The following BAG4 variants were observed in gnomAD, a reference collection of about 807,000 sequenced individuals.
The protein encoded by BAG4 is BAG cochaperone 4.
BAG4 carries 28 observed loss-of-function variants against 52.1 expected under a neutral mutation model. That is an observed-to-expected ratio of 0.54 (90% CI 0.40 to 0.74). The LOEUF is 0.74. Among genes scored for constraint, BAG4 ranks in the 30% least tolerant of loss-of-function variants. The probability of loss-of-function intolerance (pLI) is 0.00; values close to 1 mark genes in which losing one functional copy is unlikely to be tolerated. For synonymous variants in BAG4, 208 were observed against 217.0 expected, an observed-to-expected ratio of 0.96 and a Z score of 0.37; for missense variants, 525 against 572.0, an observed-to-expected ratio of 0.92 and a Z score of 0.84.
chr8:38,182,670 T>C (rs1013656008), intron 1 of BAG4, among the ~76,000 whole-genome samples: 1 of 152,184 alleles, frequency 6.6e-6, no homozygotes, highest in African/African-American at 2.4e-5. Context: ...GTTTATAGAA[T>C]AGAGTTCAGC....
At chr8:38,195,791 C>T (rs189955078) in intron 2 of BAG4, among the ~76,000 whole-genome samples, 23 of 152,244 alleles carry the variant, frequency 1.5e-4, no homozygotes, top group African/African-American at 4.8e-4. Context: ...TAAAATCCAC[C>T]CTTCAAAGTG....
intron 3 of BAG4, 150 bp downstream of exon 3, chr8:38,207,916 G>A: frequency 1.0e-6 from 1 of 988,384 alleles, no homozygotes. Context: ...ATTTGTGGCA[G>A]CTATTGCAGT....
At position 38,192,690 on chromosome 8, in the gene BAG4, G is replaced by A. The variant is rs187647845; in HGVS notation, c.273G>A (p.Glu91=). ...ATTTATTTTTCTTTTTTTCTTAGGA[G>A]CAGCCACCATATCCTAGCTACAATT... ...EPGRAGGSHQ[E]QPPYPSYNSN... Residue 91 remains glutamate, a splice_region_variant and synonymous_variant, in exon 2 of 5, where the codon GAG becomes GAA. Coordinates refer to ENST00000287322, the MANE Select transcript of BAG4 (RefSeq NM_004874.4). 3 of 1,601,962 alleles carry A rather than the reference G, an allele frequency of 1.9e-6. No homozygotes were observed. The highest frequency in any genetic ancestry group is 2.2e-5 in the East Asian group (1 of 44,736).
At position 38,211,168 on chromosome 8, in the gene BAG4, T is replaced by C. The variant is rs1176450596; in HGVS notation, c.*675T>C. 1 of 151,436 alleles carries C rather than the reference T, an allele frequency of 6.6e-6. No individual in the cohort carries two copies. Among genetic ancestry groups the C allele is most frequent in the Non-Finnish European group, 1.5e-5 (1 of 67,818 alleles). 9.4% of individuals were successfully genotyped at this position (151,436 alleles called of 1,614,324 possible). ...GTGTAGTGAGTAAATTGTCTCCCTT[T>C]TTCTATAGATCATTAGGTTAGAGTT... On this transcript the variant is annotated 3_prime_UTR_variant, in exon 5 of 5. Coordinates refer to ENST00000287322, the MANE Select transcript of BAG4 (RefSeq NM_004874.4).
At position 38,210,192 on chromosome 8, in the gene BAG4, A is replaced by G. The variant is rs1454223699; in HGVS notation, c.1073A>G (p.Asn358Ser). Residue 358 changes from asparagine (N) to serine (S), a missense_variant, in exon 5 of 5, where the codon AAT becomes AGT. Physicochemically the swap from Asn to Ser is conservative, Grantham distance 46. This residue lies in a region of BAG4 where 238 missense variants were observed against 305.8 expected (regional missense o/e 0.78). Coordinates refer to ENST00000287322, the MANE Select transcript of BAG4 (RefSeq NM_004874.4). ...AATGCCACCAGTGACCATCCCAACAATCAAGATCAAAGTAGCAGTCTTCCT... is the reference window on the plus strand; with the variant it reads ...AATGCCACCAGTGACCATCCCAACAGTCAAGATCAAAGTAGCAGTCTTCCT... ...YGNATSDHPN[N>S]QDQSSSLPEE... 6.2e-7 allele frequency: 1 copy of G among 1,614,186 alleles called. No individual in the cohort carries two copies. The highest frequency in any genetic ancestry group is 1.1e-5 in the South Asian group (1 of 91,080).
chr8:38,207,492 C>T lies in BAG4; in HGVS notation c.379-20C>T, dbSNP rs1425711762. 6.3e-7 allele frequency: 1 copy of T among 1,597,496 alleles called. No homozygotes were observed. The highest frequency in any genetic ancestry group is 1.4e-5 in the African/African-American group (1 of 73,970). ...CTTCTACTAATTCATCTTTTTTTCA[C>T]TCAACTTGGTTTTTTTCAGAGTTTG... On this transcript the variant is annotated intron_variant, in intron 2 of 4. Coordinates refer to ENST00000287322, the MANE Select transcript of BAG4 (RefSeq NM_004874.4).
chr8:38,191,224 A>AT (rs1377886734), intron 1 of BAG4, among the ~76,000 whole-genome samples: 2 of 152,190 alleles, frequency 1.3e-5, no homozygotes, highest in African/African-American at 4.8e-5. Flanking sequence ...GTAAGTATTC[A>AT]TTTGCAACTA....
chr8:38,196,327 C>T (rs1480643998), intron 2 of BAG4, among the ~76,000 whole-genome samples: 3 of 152,108 alleles, frequency 2.0e-5, no homozygotes, highest in Non-Finnish European at 4.4e-5. Context: ...TCTGATTTCT[C>T]CACATCCTTA....
chr8:38,209,464 T>C (rs1803832201), intron 4 of BAG4, 197 bp downstream of exon 4: 1 of 641,798 alleles, frequency 1.6e-6, no homozygotes, highest in Non-Finnish European at 2.5e-6. Flanking sequence ...AAGATTTAGA[T>C]TCACATCGTT....
chr8:38,186,286 T>C (rs1803365652), intron 1 of BAG4, among the ~76,000 whole-genome samples: 1 of 152,054 alleles, frequency 6.6e-6, no homozygotes, highest in Non-Finnish European at 1.5e-5. Context: ...GTCTACAGCC[T>C]CCCTTCCCGT....
At chr8:38,207,886 T>C (rs1433025887) in intron 3 of BAG4, 120 bp downstream of exon 3, 1 of 1,217,058 alleles carries the variant, frequency 8.2e-7, no homozygotes, top group East Asian at 2.6e-5. Flanking sequence ...TGGGAAGGCT[T>C]TTATATTGAT....
At chr8:38,182,930 A>C (rs1803295519) in intron 1 of BAG4, among the ~76,000 whole-genome samples, 1 of 151,794 alleles carries the variant, frequency 6.6e-6, no homozygotes, top group South Asian at 2.1e-4. Context: ...CAAAAAGTAA[A>C]TTTCACTGTC....
rs532073188 is a variant in BAG4, at chr8:38,187,993, T to C, written c.271-4695T>C. 1.1e-4 allele frequency among the ~76,000 whole-genome samples: 14 copies of C among 129,568 alleles called. 1 individual carries two copies. The South Asian group carries it at 3.0e-3, about 28-fold the overall frequency. 85.0% of individuals were successfully genotyped at this position (129,568 alleles called of 152,430 possible). A position where few individuals can be genotyped will look rare whatever the true frequency, so the allele number is the denominator to read the frequency against. On this transcript the variant is annotated intron_variant, in intron 1 of 4. Transcript: ENST00000287322. ...CGGAGCTTGCAGTGAGCCGAGATCG[T>C]GCCACTGCACTCCAGCCTGGGTGAT...
chr8:38,199,085 G>C (rs1399037713), intron 2 of BAG4, among the ~76,000 whole-genome samples: 1 of 152,176 alleles, frequency 6.6e-6, no homozygotes, highest in Non-Finnish European at 1.5e-5. Flanking sequence ...CAGTAACATA[G>C]TCAATTATCA....
chr8:38,206,947 A>ATTTTT (rs11352165), intron 2 of BAG4, among the ~76,000 whole-genome samples: 2 of 111,054 alleles, frequency 1.8e-5, no homozygotes, highest in African/African-American at 3.5e-5. Flanking sequence ...GGCCTAGATA[A>ATTTTT]TTTTTTTTTT....
intron 2 of BAG4, among the ~76,000 whole-genome samples, chr8:38,206,600 A>G (rs1370062944): frequency 6.6e-6 from 1 of 152,176 alleles, no homozygotes; most frequent in East Asian, 1.9e-4. Context: ...TGAGCATACT[A>G]TATGCCAGAC....
rs1161178024 is a variant in BAG4, at chr8:38,180,522, C to CAAAAAAAAAAAAAAA, written c.270+3395_270+3409dup. Among the ~76,000 whole-genome samples the CAAAAAAAAAAAAAAA allele has an allele frequency of 3.8e-3, 100 of 26,494 alleles. 9 individuals are homozygous for CAAAAAAAAAAAAAAA. Among genetic ancestry groups the CAAAAAAAAAAAAAAA allele is most frequent in the Middle Eastern group, 0.02 (1 of 50 alleles). 17.4% of individuals were successfully genotyped at this position (26,494 alleles called of 152,430 possible). A position where few individuals can be genotyped will look rare whatever the true frequency, so the allele number is the denominator to read the frequency against. ...TGGGCAGCAAAGCGAGACTCCGTCT[C>CAAAAAAAAAAAAAAA]AAAAAAAAAAAAAAAAAAAAAAAAA... is the stretch of plus-strand genomic sequence containing the variant. On this transcript the variant is annotated intron_variant, in intron 1 of 4. Transcript: ENST00000287322.
In BAG4 at chr8:38,213,221, G is replaced by A. The variant is rs550301901; in HGVS notation, c.*2728G>A. ...AAATTTCACATCTGGACTTTTTAAA[G>A]TGTCTACATTTATATTACTTTGGGG... is the stretch of plus-strand genomic sequence containing the variant. On this transcript the variant is annotated 3_prime_UTR_variant, in exon 5 of 5. Coordinates refer to ENST00000287322, the MANE Select transcript of BAG4 (RefSeq NM_004874.4). 1.3e-5 allele frequency: 2 copies of A among 151,946 alleles called. No homozygotes were observed. Among genetic ancestry groups the A allele is most frequent in the Non-Finnish European group, 1.5e-5 (1 of 67,906 alleles). 9.4% of individuals were successfully genotyped at this position (151,946 alleles called of 1,614,324 possible).
At chr8:38,191,070 T>C (rs978091544) in intron 1 of BAG4, among the ~76,000 whole-genome samples, 8 of 152,162 alleles carry the variant, frequency 5.3e-5, no homozygotes, top group African/African-American at 1.9e-4. Context: ...AGTTGGTGGT[T>C]TTTTAAAGAA....
Sources: allele counts gnomAD v4.1 joint callset (sites outside exome capture counted in the v4.1 genomes callset), GRCh38; gene constraint gnomAD v4.1.1; regional missense constraint gnomAD v4.1.1; transcripts MANE v1.5; gene names NCBI Gene and HGNC (gene_info 2026-07-23, HGNC 2026-07-21).